SNTG1: variants seen among roughly 807,000 people sequenced by gnomAD.
SNTG1 encodes gamma-1-syntrophin.
A neutral mutation model predicts 74.7 loss-of-function variants in SNTG1; 39 were observed. The ratio of observed to expected loss-of-function variants is 0.52; its 90% CI spans 0.40 to 0.68. SNTG1 has a LOEUF of 0.68. Among genes scored for constraint, SNTG1 ranks in the 30% least tolerant of loss-of-function variants. The probability of loss-of-function intolerance (pLI) is 0.00; values close to 1 mark genes in which losing one functional copy is unlikely to be tolerated. For synonymous variants in SNTG1, 254 were observed against 217.1 expected (o/e 1.17, Z -1.49); for missense variants, 685 against 609.5 (o/e 1.12, Z -1.30).
chr8:49,951,953 T>A (rs897442998), intron 1 of SNTG1, among the ~76,000 whole-genome samples: 1 of 144,970 alleles, frequency 6.9e-6, no homozygotes, highest in Non-Finnish European at 1.5e-5. Flanking sequence ...AAGGGAGTAG[T>A]AAGGGTAGGT....
intron 1 of SNTG1, among the ~76,000 whole-genome samples, chr8:50,146,651 T>G (rs990175721): frequency 1.3e-5 from 2 of 152,204 alleles, no homozygotes; most frequent in Admixed American, 1.3e-4. Flanking sequence ...TATGTCGTAT[T>G]GCAACCAATT....
chr8:50,301,348 T>C (rs971050789), intron 2 of SNTG1, among the ~76,000 whole-genome samples: 24 of 152,206 alleles, frequency 1.6e-4, no homozygotes, highest in African/African-American at 5.8e-4. Context: ...TCATATATAC[T>C]ATAACCCTAT....
intron 5 of SNTG1, among the ~76,000 whole-genome samples, chr8:50,445,090 A>G (rs769565039): frequency 6.6e-6 from 1 of 152,102 alleles, no homozygotes; most frequent in Non-Finnish European, 1.5e-5. Context: ...AGCAATGACC[A>G]TTTCCCTATT....
At chr8:50,301,634 A>G (rs566237003) in intron 2 of SNTG1, among the ~76,000 whole-genome samples, 5 of 152,046 alleles carry the variant, frequency 3.3e-5, no homozygotes, top group Non-Finnish European at 7.4e-5. Flanking sequence ...TTTTTTCTGG[A>G]AACTGGATAT....
At chr8:50,502,680 A>C in intron 8 of SNTG1, 98 bp from the exon 9 acceptor site, 1 of 942,800 alleles carries the variant, frequency 1.1e-6, no homozygotes, top group Non-Finnish European at 1.6e-6. Context: ...CTAGGGAAAA[A>C]TGGAAGGTGG....
intron 4 of SNTG1, among the ~76,000 whole-genome samples, chr8:50,436,845 C>G (rs1322107091): frequency 6.6e-6 from 1 of 152,058 alleles, no homozygotes; most frequent in African/African-American, 2.4e-5. Flanking sequence ...ACATGTTTAA[C>G]CTTCCTTTTT....
chr8:50,457,947 G>A (rs1175101970), intron 8 of SNTG1: 3 of 152,234 alleles, frequency 2.0e-5, no homozygotes, highest in Admixed American at 6.5e-5. Flanking sequence ...ACCACTCAGA[G>A]AAGAGGTGAG....
chr8:50,404,389 G>A (rs1400590566), intron 4 of SNTG1, among the ~76,000 whole-genome samples: 1 of 152,068 alleles, frequency 6.6e-6, no homozygotes, highest in Non-Finnish European at 1.5e-5. Flanking sequence ...CAAAATATTT[G>A]TGTGGATATG....
intron 2 of SNTG1, among the ~76,000 whole-genome samples, chr8:50,263,900 A>G (rs1315690448): frequency 6.6e-6 from 1 of 152,192 alleles, no homozygotes; most frequent in African/African-American, 2.4e-5. Context: ...TCAAGAACAC[A>G]TGAAACATCT....
intron 2 of SNTG1, among the ~76,000 whole-genome samples, chr8:50,304,619 A>T (rs568165203): frequency 1.4e-4 from 22 of 152,292 alleles, no homozygotes; most frequent in African/African-American, 5.1e-4. Context: ...GACAAAATAC[A>T]TTACAGAACA....
At chr8:50,037,341 G>T (rs1242983825) in intron 1 of SNTG1, among the ~76,000 whole-genome samples, 1 of 152,210 alleles carries the variant, frequency 6.6e-6, no homozygotes, top group Non-Finnish European at 1.5e-5. Flanking sequence ...TTCAGGTCCA[G>T]CAGGTCTAAC....
At chr8:50,314,442 T>C (rs930278077) in intron 2 of SNTG1, among the ~76,000 whole-genome samples, 10 of 149,850 alleles carry the variant, frequency 6.7e-5, no homozygotes, top group African/African-American at 2.0e-4. Context: ...AAAAAGTCCC[T>C]GTTCCCTCTT....
intron 17 of SNTG1, among the ~76,000 whole-genome samples, chr8:50,716,976 T>A (rs778179135): frequency 1.3e-5 from 2 of 152,082 alleles, no homozygotes; most frequent in Non-Finnish European, 2.9e-5. Context: ...GACCTCGTGA[T>A]CCGCCTGCCT....
intron 1 of SNTG1, among the ~76,000 whole-genome samples, chr8:49,934,319 C>A (rs865917372): frequency 6.6e-6 from 1 of 151,596 alleles, no homozygotes; most frequent in Non-Finnish European, 1.5e-5. Flanking sequence ...ATCTATCTAT[C>A]TATCTATCTA....
intron 2 of SNTG1, among the ~76,000 whole-genome samples, chr8:50,339,084 G>A (rs1246455955): frequency 6.6e-6 from 1 of 151,980 alleles, no homozygotes. Context: ...TATAAGTATA[G>A]GAATTACATT....
chr8:49,921,252 G>A (rs1017540544), intron 1 of SNTG1, among the ~76,000 whole-genome samples: 1 of 152,092 alleles, frequency 6.6e-6, no homozygotes, highest in African/African-American at 2.4e-5. Flanking sequence ...GTCGTAGAAA[G>A]TGTAGGGGAA....
At chr8:50,773,186 T>C (rs1471859459) in intron 18 of SNTG1, among the ~76,000 whole-genome samples, 1 of 152,082 alleles carries the variant, frequency 6.6e-6, no homozygotes, top group African/African-American at 2.4e-5. Flanking sequence ...AATCAACAGT[T>C]TAAGATCACA....
At chr8:50,736,606 A>T (rs1380033240) in intron 17 of SNTG1, among the ~76,000 whole-genome samples, 1 of 152,106 alleles carries the variant, frequency 6.6e-6, no homozygotes, top group Non-Finnish European at 1.5e-5. Context: ...TCTCCACCCC[A>T]AATCAACAGA....
At chr8:50,718,818 T>C (rs1257363902) in intron 17 of SNTG1, among the ~76,000 whole-genome samples, 1 of 152,212 alleles carries the variant, frequency 6.6e-6, no homozygotes, top group East Asian at 1.9e-4. Flanking sequence ...AAAATAAAAC[T>C]ATACAGATAT....
Sources: gnomAD v4.1 joint callset for allele counts (sites outside exome capture counted in the v4.1 genomes callset) on GRCh38, gnomAD v4.1.1 for gene constraint, MANE v1.5 for transcripts, NCBI Gene and HGNC (gene_info 2026-07-23, HGNC 2026-07-21) for gene names.